Variants in DNM3 observed in about 807,000 individuals in gnomAD.
DNM3 encodes dynamin 3.
Under a neutral mutation model 101.6 loss-of-function variants are expected in DNM3, and 47 were observed. The ratio of observed to expected loss-of-function variants is 0.46; its 90% CI spans 0.37 to 0.59. DNM3 has a LOEUF of 0.59. Among genes scored for constraint, DNM3 ranks in the 20% least tolerant of loss-of-function variants. The probability of loss-of-function intolerance (pLI) is 0.00; values close to 1 mark genes in which losing one functional copy is unlikely to be tolerated. For missense variants in DNM3, 849 were observed against 1,085.7 expected (o/e 0.78, Z 3.06); for synonymous variants, 385 against 387.9 (o/e 0.99, Z 0.09).
chr1:171,888,492 A>G (rs529225051), intron 1 of DNM3, among the ~76,000 whole-genome samples: 1 of 152,348 alleles, frequency 6.6e-6, no homozygotes, highest in South Asian at 2.1e-4. Context: ...GGATGCAGAA[A>G]TAGGTCTCAA....
chr1:172,110,106 A>G (rs1164957502), intron 13 of DNM3, among the ~76,000 whole-genome samples: 5 of 152,182 alleles, frequency 3.3e-5, no homozygotes. Flanking sequence ...AACATTCATT[A>G]TTCATTCCCT....
chr1:172,097,504 G>A, intron 13 of DNM3, among the ~76,000 whole-genome samples: 1 of 152,158 alleles, frequency 6.6e-6, no homozygotes, highest in Non-Finnish European at 1.5e-5. Context: ...ATGTACACTG[G>A]AGACATAAGT....
At chr1:172,207,544 C>A (rs901672080) in intron 14 of DNM3, among the ~76,000 whole-genome samples, 3 of 152,120 alleles carry the variant, frequency 2.0e-5, no homozygotes, top group African/African-American at 7.2e-5. Flanking sequence ...ATGAACTCTG[C>A]TTTCAAGGCA....
chr1:172,271,036 G>A (rs1168832557), intron 15 of DNM3, among the ~76,000 whole-genome samples: 1 of 152,078 alleles, frequency 6.6e-6, no homozygotes, highest in Non-Finnish European at 1.5e-5. Flanking sequence ...TTTTGCTTCA[G>A]AAAATAAATA....
chr1:172,290,933 G>A (rs1313378608), intron 15 of DNM3, among the ~76,000 whole-genome samples: 2 of 152,086 alleles, frequency 1.3e-5, no homozygotes, highest in Non-Finnish European at 1.5e-5. Context: ...GAGTCAGGCG[G>A]GTGTGATATC....
chr1:172,410,685 C>G lies in DNM3; in HGVS notation c.*2844C>G. 1 of 985,284 alleles carries G rather than the reference C, an allele frequency of 1.0e-6. No homozygotes were observed. The highest frequency in any genetic ancestry group is 1.1e-4 in the East Asian group (1 of 8,822). The allele number at this position is 985,284 out of a possible 1,614,324, so 61.0% of individuals were successfully genotyped here. On this transcript the variant is annotated 3_prime_UTR_variant, in exon 21 of 21. Transcript: ENST00000627582. ...AGCCGTGTTTTATAACATAGACGAGCAGTAGGGTCTGTTTATTAGCAAATT... is the reference window on the plus strand; with the variant it reads ...AGCCGTGTTTTATAACATAGACGAGGAGTAGGGTCTGTTTATTAGCAAATT...
chr1:172,194,749 G>A (rs534377564), intron 14 of DNM3, among the ~76,000 whole-genome samples: 8 of 151,662 alleles, frequency 5.3e-5, no homozygotes, highest in South Asian at 2.1e-4. Context: ...TTGATCCTAC[G>A]TGTGTCTCTG....
chr1:172,384,129 C>T (rs963176816), intron 18 of DNM3, among the ~76,000 whole-genome samples: 1 of 152,090 alleles, frequency 6.6e-6, no homozygotes, highest in Non-Finnish European at 1.5e-5. Flanking sequence ...TGGAAACTCC[C>T]GGAAGTCCCC....
At chr1:171,930,634 C>T (rs909375523) in intron 2 of DNM3, among the ~76,000 whole-genome samples, 5 of 152,136 alleles carry the variant, frequency 3.3e-5, no homozygotes, top group South Asian at 2.1e-4. Context: ...ATTTACTCAC[C>T]GCTTCCCTGG....
chr1:172,305,077 A>G (rs904545352), intron 15 of DNM3, among the ~76,000 whole-genome samples: 6 of 152,238 alleles, frequency 3.9e-5, no homozygotes, highest in African/African-American at 1.2e-4. Context: ...CCTTCAAAAA[A>G]ATCAGTGAAT....
At chr1:172,314,695 C>A (rs567228792) in intron 16 of DNM3, among the ~76,000 whole-genome samples, 1 of 152,220 alleles carries the variant, frequency 6.6e-6, no homozygotes, top group African/African-American at 2.4e-5. Context: ...GAGGGGCGCC[C>A]GCCATTGCCC....
chr1:172,268,185 A>G (rs1467362325), intron 15 of DNM3, among the ~76,000 whole-genome samples: 1 of 152,086 alleles, frequency 6.6e-6, no homozygotes, highest in Non-Finnish European at 1.5e-5. Flanking sequence ...GATGAGGGTA[A>G]TGTTTATTTG....
At chr1:171,907,625 T>C (rs1161401307) in intron 1 of DNM3, among the ~76,000 whole-genome samples, 1 of 152,166 alleles carries the variant, frequency 6.6e-6, no homozygotes, top group African/African-American at 2.4e-5. Context: ...CCTTTCTTTC[T>C]CTCTGACCTA....
At chr1:172,225,822 T>C (rs930234489) in intron 14 of DNM3, among the ~76,000 whole-genome samples, 2 of 151,770 alleles carry the variant, frequency 1.3e-5, no homozygotes, top group African/African-American at 4.8e-5. Flanking sequence ...AACATCTGTC[T>C]TTCAATGAAA....
intron 1 of DNM3, among the ~76,000 whole-genome samples, chr1:171,875,131 T>C (rs549393237): frequency 6.6e-6 from 1 of 152,302 alleles, no homozygotes; most frequent in East Asian, 1.9e-4. Flanking sequence ...GATGAACATA[T>C]GAGTGCATGT....
At chr1:172,343,265 A>G (rs920788870) in intron 17 of DNM3, among the ~76,000 whole-genome samples, 3 of 152,118 alleles carry the variant, frequency 2.0e-5, no homozygotes. Flanking sequence ...TTTATAACAT[A>G]TTTTCTCAAC....
At position 171,852,436 on chromosome 1, in the gene DNM3, A is replaced by G. The variant is rs1025830606; in HGVS notation, c.161+10619A>G. Among the ~76,000 whole-genome samples, 4 of 152,342 alleles carry G rather than the reference A, an allele frequency of 2.6e-5. No individual in the cohort carries two copies. In the South Asian group the frequency reaches 6.2e-4, roughly 24 times the overall value. On this transcript the variant is annotated intron_variant, in intron 1 of 20. Transcript: ENST00000627582. Reference sequence around the variant, plus strand: ...AAGAATCATATGTTGAGAGTCCACAATATGCCAGGAATTGTGTGAGGCTCT... The same window carrying G: ...AAGAATCATATGTTGAGAGTCCACAGTATGCCAGGAATTGTGTGAGGCTCT...
chr1:171,948,327 G>A (rs1373696385), intron 2 of DNM3, among the ~76,000 whole-genome samples: 1 of 152,188 alleles, frequency 6.6e-6, no homozygotes, highest in Admixed American at 6.5e-5. Context: ...AGATACTAAT[G>A]TATAATGGAT....
intron 14 of DNM3, among the ~76,000 whole-genome samples, chr1:172,185,461 C>G (rs1225738456): frequency 6.6e-6 from 1 of 152,016 alleles, no homozygotes; most frequent in African/African-American, 2.4e-5. Context: ...TATTGGAAAC[C>G]ATTGTGGGTG....
Sources: allele counts gnomAD v4.1 joint callset (sites outside exome capture counted in the v4.1 genomes callset), GRCh38; gene constraint gnomAD v4.1.1; transcripts MANE v1.5; gene names NCBI Gene and HGNC (gene_info 2026-07-23, HGNC 2026-07-21).